FSD1: variants seen among roughly 807,000 people sequenced by gnomAD.
FSD1 encodes fibronectin type III and SPRY domain containing 1.
In FSD1, 23 loss-of-function variants were observed where a neutral mutation model predicts 58.2. The observed-to-expected ratio is 0.40, with a 90% CI of 0.28 to 0.56. FSD1 has a LOEUF of 0.56. Ranked by LOEUF, FSD1 falls within the 20% of genes least tolerant of loss-of-function variation. The pLI, the probability that FSD1 is intolerant of heterozygous loss-of-function variation, is 0.54. For missense variants in FSD1, 563 were observed against 670.8 expected (o/e 0.84, Z 1.78); for synonymous variants, 265 against 263.4 (o/e 1.01, Z -0.06).
chr19:4,308,146 CGCCTGTAATCCCA>C (rs973643669), intron 4 of FSD1, among the ~76,000 whole-genome samples, 163 bp downstream of exon 4: 1 of 152,152 alleles, frequency 6.6e-6, no homozygotes, highest in African/African-American at 2.4e-5. Flanking sequence ...ACAGTGGCTA[CGCCTGTAATCCCA>C]GCACTTTGGG....
At position 4,306,233 on chromosome 19, in the gene FSD1, A is replaced by G. The variant is rs1292560644; in HGVS notation, c.147A>G (p.Ala49=). The G allele has an allele frequency of 1.2e-6, 2 of 1,614,024 alleles. No homozygotes were observed. The highest frequency in any genetic ancestry group is 1.6e-4 in the Middle Eastern group (1 of 6,062). The change falls in exon 3 of 13, where the codon GCA becomes GCG. Residue 49 remains alanine (A), a synonymous_variant. Transcript: ENST00000221856. ...CGAAGGTGCAGGAGGACCTCGAAGC[A>G]GAGTTCCAGTCCCTCTTCTCCCTCC... The part of the protein sequence containing the change: ...NSAKVQEDLE[A]EFQSLFSLLE...
rs1471793487 is a variant in FSD1 at position 4,323,630 on chromosome 19, C to T, written c.1478C>T (p.Thr493Ile). ...GGCAGTGCTACCAGCAGCTCCAACA[C>T]CAGCCTCACCTAGGCCCCCAGGCAC... The part of the protein sequence containing the change: ...KRGSATSSSN[T>I]SLT The change falls in exon 13 of 13, where the codon ACC becomes ATC. Residue 493 changes from threonine to isoleucine, a missense_variant. Thr to Ile is a moderately conservative substitution (Grantham distance 89, BLOSUM62 -1). Transcript: ENST00000221856. This position sits in a 1 kb window ranked among gnomAD's most constrained non-coding sequence, Gnocchi z 7.7. 3.1e-6 allele frequency: 5 copies of T among 1,611,628 alleles called. No individual in the cohort carries two copies. The Middle Eastern group carries it at 5.0e-4, about 160-fold the overall frequency.
At chr19:4,311,793 CT>C (rs767544615) in intron 6 of FSD1, 48 bp from the exon 7 acceptor site, 3 of 1,585,830 alleles carry the variant, frequency 1.9e-6, no homozygotes, top group Non-Finnish European at 2.6e-6. Flanking sequence ...CCCCTGCCCC[CT>C]GAACCAGGCA....
In FSD1 at chr19:4,310,499, G is replaced by C. The variant is rs1357311059; in HGVS notation, c.393G>C (p.Arg131=). ...GAGTGACCATGGCCCCTGCCTTCCG[G>C]CTATCATTGAAAGCGAAGGTCAGTG... ...KDGVTMAPAF[R]LSLKAKVSDN... Residue 131 remains arginine, a synonymous_variant, in exon 6 of 13, where the codon CGG becomes CGC. Transcript: ENST00000221856. 1.2e-6 allele frequency: 2 copies of C among 1,613,230 alleles called. No homozygotes were observed. The highest frequency in any genetic ancestry group is 1.7e-6 in the Non-Finnish European group (2 of 1,179,382).
chr19:4,322,932 T>G (rs1235454326), intron 10 of FSD1, 54 bp from the exon 11 acceptor site: 10 of 1,555,930 alleles, frequency 6.4e-6, no homozygotes, highest in Non-Finnish European at 7.8e-6. Flanking sequence ...GAAGGGCATC[T>G]GTGGCCCAGT....
chr19:4,317,152 C>A, intron 7 of FSD1, 30 bp from the exon 8 acceptor site: 1 of 1,203,004 alleles, frequency 8.3e-7, no homozygotes, highest in Non-Finnish European at 1.2e-6. Context: ...GAATAATACA[C>A]AGTGTTGAAA....
At chr19:4,318,972 G>A in intron 10 of FSD1, 21 bp downstream of exon 10, 2 of 1,598,724 alleles carry the variant, frequency 1.3e-6, no homozygotes, top group South Asian at 1.1e-5. Context: ...GGAGAAGAAA[G>A]GGGAGAGGGG....
At position 4,304,625 on chromosome 19, in the gene FSD1, C is replaced by A; in HGVS notation, c.-122C>A. The stretch of plus-strand genomic sequence containing the variant: ...AATGCGCGCGGTGATGGAGCGCTAA[C>A]CGGGGGCGCGGCGGCGGCGAGGGCT... On this transcript the variant is annotated 5_prime_UTR_variant, in exon 1 of 13. Transcript: ENST00000221856. 1.9e-6 allele frequency: 1 copy of A among 527,030 alleles called. No individual in the cohort carries two copies. The highest frequency in any genetic ancestry group is 2.9e-6 in the Non-Finnish European group (1 of 348,358). 32.6% of individuals were successfully genotyped at this position (527,030 alleles called of 1,614,324 possible).
Position 4,311,987 on chromosome 19 carries a change from C to G in FSD1, c.636C>G (p.Arg212=). ...GGACCAACTTCGAGGGCCCGCCCCGCCTCAAGGAGGACCAGCCCTGGATGG... is the reference window on the plus strand; with the variant it reads ...GGACCAACTTCGAGGGCCCGCCCCGGCTCAAGGAGGACCAGCCCTGGATGG... ...YRRTNFEGPP[R]LKEDQPWMVI... The change falls in exon 7 of 13, where the codon CGC becomes CGG. Residue 212 remains arginine, a synonymous_variant. Coordinates refer to ENST00000221856, the MANE Select transcript of FSD1 (RefSeq NM_024333.3). The G allele has an allele frequency of 1.2e-6, 2 of 1,613,488 alleles. No homozygotes were observed. The highest frequency in any genetic ancestry group is 1.7e-6 in the Non-Finnish European group (2 of 1,180,032).
Position 4,306,367 on chromosome 19 carries a change from C to G in FSD1, c.243+38C>G, listed in dbSNP as rs201805358. ...GGCATCTTCCTCTCCCCCCGCCCCT[C>G]CTACTCAACAGAACGTAGCTGACCT... On this transcript the variant is annotated intron_variant, in intron 3 of 12. Coordinates refer to ENST00000221856, the MANE Select transcript of FSD1 (RefSeq NM_024333.3). 91 of 1,610,690 alleles carry G rather than the reference C, an allele frequency of 5.6e-5. 1 individual carries two copies. The Admixed American group carries it at 6.2e-4, about 11-fold the overall frequency.
chr19:4,323,223 G>A lies in FSD1; in HGVS notation c.1277G>A (p.Cys426Tyr), dbSNP rs780033085. 1.2e-6 allele frequency: 2 copies of A among 1,605,228 alleles called. No homozygotes were observed. The highest frequency in any genetic ancestry group is 1.7e-6 in the Non-Finnish European group (2 of 1,179,558). ...GTGCCCGACTGCCTGGGTGTGCACT[G>A]TGACTTCCACCAAGGTGACCCCAAG... The part of the protein sequence containing the change: ...APVPDCLGVH[C>Y]DFHQGLLSFY... Residue 426 changes from cysteine (C) to tyrosine (Y), a missense_variant, in exon 11 of 13, where the codon TGT becomes TAT. Cys to Tyr is a radical substitution (Grantham distance 194). Transcript: ENST00000221856. The surrounding 1 kb of genome is among the most constrained non-coding windows in gnomAD (Gnocchi z 7.7).
At chr19:4,308,813 G>A (rs565994623) in intron 4 of FSD1, among the ~76,000 whole-genome samples, 36 of 151,690 alleles carry the variant, frequency 2.4e-4, no homozygotes, top group African/African-American at 4.1e-4. Context: ...AGCCAAGATC[G>A]CGCCACCGCA....
At chr19:4,306,587 C>A (rs1408464925) in intron 3 of FSD1, among the ~76,000 whole-genome samples, 1 of 152,054 alleles carries the variant, frequency 6.6e-6, no homozygotes, top group African/African-American at 2.4e-5. Flanking sequence ...CCTACCTCAG[C>A]CTCCCAAGTA....
rs1440598118 is a variant in FSD1, at chr19:4,323,031, A to G, written c.1085A>G (p.Tyr362Cys). 3 of 1,611,962 alleles carry G rather than the reference A, an allele frequency of 1.9e-6. No individual in the cohort carries two copies. Among genetic ancestry groups the G allele is most frequent in the Non-Finnish European group, 2.5e-6 (3 of 1,179,476 alleles). Reference sequence around the variant, plus strand: ...GGGGAGCATTACTGGGAGGTGCGCTACGAGCCGGACAGCAAGGCGTTCGGC... The same window carrying G: ...GGGGAGCATTACTGGGAGGTGCGCTGCGAGCCGGACAGCAAGGCGTTCGGC... Reference protein sequence around the residue: ...DGGEHYWEVRYEPDSKAFGVG... With the variant: ...DGGEHYWEVRCEPDSKAFGVG... Residue 362 changes from tyrosine to cysteine, a missense_variant, in exon 11 of 13, where the codon TAC (tyrosine) becomes TGC (cysteine). Coordinates refer to ENST00000221856, the MANE Select transcript of FSD1 (RefSeq NM_024333.3). The surrounding 1 kb of genome is among the most constrained non-coding windows in gnomAD (Gnocchi z 7.7).
At position 4,323,405 on chromosome 19, in the gene FSD1, G is replaced by A; in HGVS notation, c.1349G>A (p.Arg450Lys). The A allele has an allele frequency of 6.2e-7, 1 of 1,613,876 alleles. No individual in the cohort carries two copies. Among genetic ancestry groups the A allele is most frequent in the Non-Finnish European group, 8.5e-7 (1 of 1,179,856 alleles). ...TKQVLHTFKT[R>K]FTQPLLPAFT... ...CAAGTGCTGCACACTTTCAAGACCA[G>A]GTTCACACAGCCGCTGCTGCCTGCT... The change falls in exon 12 of 13, where the codon AGG becomes AAG. Residue 450 changes from arginine (R) to lysine (K), a missense_variant. Transcript: ENST00000221856. The surrounding 1 kb of genome is among the most constrained non-coding windows in gnomAD (Gnocchi z 7.7).
intron 10 of FSD1, among the ~76,000 whole-genome samples, chr19:4,322,390 AG>A (rs1416363693): frequency 1.3e-5 from 2 of 149,324 alleles, no homozygotes; most frequent in Admixed American, 1.3e-4. Flanking sequence ...GAATAGCTGG[AG>A]CCCAAGGAGT....
chr19:4,321,965 G>GA, intron 10 of FSD1, among the ~76,000 whole-genome samples: 1 of 130,208 alleles, frequency 7.7e-6, no homozygotes, highest in Non-Finnish European at 1.6e-5. Context: ...CTGGCGGGGG[G>GA]ATAGCTGGGA....
At position 4,307,959 on chromosome 19, in the gene FSD1, C is replaced by T; in HGVS notation, c.321C>T (p.Ala107=). The T allele has an allele frequency of 6.2e-7, 1 of 1,613,914 alleles. No individual in the cohort carries two copies. The highest frequency in any genetic ancestry group is 1.1e-5 in the South Asian group (1 of 91,040). The change falls in exon 4 of 13, where the codon GCC becomes GCT. Residue 107 remains alanine, a synonymous_variant. Transcript: ENST00000221856. Reference sequence around the variant, plus strand: ...AGACAGCCAACCAGACTCTGCAGGCCATGGACAGCGAGGACTTTCCTCAGG... The same window carrying T: ...AGACAGCCAACCAGACTCTGCAGGCTATGGACAGCGAGGACTTTCCTCAGG... The part of the protein sequence containing the change: ...LLETANQTLQ[A]MDSEDFPQAA...
chr19:4,323,465 G>A lies in FSD1; in HGVS notation c.1380+29G>A, dbSNP rs901758134. ...AGCTGCCCTCCGCGGCCCAGGGGGA[G>A]GAGAGGGTGGTGCTGGGCGCTGGGG... On this transcript the variant is annotated intron_variant, in intron 12 of 12. Transcript: ENST00000221856. This position sits in a 1 kb window ranked among gnomAD's most constrained non-coding sequence, Gnocchi z 7.7. 2.5e-6 allele frequency: 4 copies of A among 1,605,624 alleles called. No homozygotes were observed. Among genetic ancestry groups the A allele is most frequent in the Non-Finnish European group, 2.6e-6 (3 of 1,173,332 alleles).
Sources: gnomAD v4.1 joint callset for allele counts (sites outside exome capture counted in the v4.1 genomes callset) on GRCh38, gnomAD v4.1.1 for gene constraint, Gnocchi (gnomAD v3.1) non-coding constraint, MANE v1.5 for transcripts, NCBI Gene and HGNC (gene_info 2026-07-23, HGNC 2026-07-21) for gene names.